Variants in CDH8 observed in about 807,000 individuals in gnomAD.
CDH8 encodes the protein cadherin-8.
In CDH8, 17 loss-of-function variants were observed where a neutral mutation model predicts 68.1. The ratio of observed to expected loss-of-function variants is 0.25; its 90% CI spans 0.17 to 0.37. The LOEUF (loss-of-function observed/expected upper bound fraction) is 0.37, where lower values mean the gene tolerates loss of function less well. Ranked by LOEUF, CDH8 falls within the 10% of genes least tolerant of loss-of-function variation. CDH8 has a pLI of 1.00. For missense variants in CDH8, 763 were observed against 999.3 expected, an observed-to-expected ratio of 0.76 and a Z score of 3.19; for synonymous variants, 372 against 365.1, an observed-to-expected ratio of 1.02 and a Z score of -0.21.
At chr16:61,660,890 C>T (rs1477753359) in intron 10 of CDH8, among the ~76,000 whole-genome samples, 1 of 151,936 alleles carries the variant, frequency 6.6e-6, no homozygotes, top group African/African-American at 2.4e-5. Flanking sequence ...GAGAATTTGT[C>T]ACCAGCAGGC....
chr16:61,739,160 A>G (rs1290915697), intron 8 of CDH8, among the ~76,000 whole-genome samples: 1 of 152,166 alleles, frequency 6.6e-6, no homozygotes, highest in African/African-American at 2.4e-5. Flanking sequence ...TGTTTCAAAT[A>G]GGATTGACTC....
intron 2 of CDH8, among the ~76,000 whole-genome samples, chr16:61,934,449 G>A (rs978425681): frequency 5.9e-5 from 9 of 152,044 alleles, no homozygotes; most frequent in African/African-American, 1.7e-4. Flanking sequence ...GACAGTATAC[G>A]ATATTGTATC....
chr16:62,018,503 G>A (rs142133186), intron 2 of CDH8, among the ~76,000 whole-genome samples: 6 of 152,254 alleles, frequency 3.9e-5, no homozygotes, highest in South Asian at 2.1e-4. Flanking sequence ...CTAAAGCACC[G>A]GTGGGCACCC....
chr16:61,700,011 A>G lies in CDH8; in HGVS notation c.1654+13830T>C, dbSNP rs190816338. On this transcript the variant is annotated intron_variant, in intron 10 of 11. Transcript: ENST00000577390. Reference sequence around the variant, plus strand: ...TATATTTTATGTTGTAATGTTCCCAAAATCAGAGTTTCTTAAAGTTTTATT... The same window carrying G: ...TATATTTTATGTTGTAATGTTCCCAGAATCAGAGTTTCTTAAAGTTTTATT... Among the ~76,000 whole-genome samples the G allele has an allele frequency of 2.6e-4, 39 of 152,306 alleles. No homozygotes were observed. In the East Asian group the frequency reaches 5.8e-3, roughly 23 times the overall value.
At chr16:61,832,970 C>A (rs924092100) in intron 4 of CDH8, among the ~76,000 whole-genome samples, 16 of 151,470 alleles carry the variant, frequency 1.1e-4, no homozygotes, top group Non-Finnish European at 2.1e-4. Flanking sequence ...TAAGAAGAAG[C>A]ACAGATCTGT....
intron 2 of CDH8, among the ~76,000 whole-genome samples, chr16:61,916,384 G>C (rs566647310): frequency 2.0e-5 from 3 of 152,002 alleles, no homozygotes; most frequent in African/African-American, 7.2e-5. Context: ...GTGTGGTGGC[G>C]CATGCCTGAC....
intron 10 of CDH8, among the ~76,000 whole-genome samples, chr16:61,700,130 T>C (rs376758040): frequency 6.6e-6 from 1 of 152,180 alleles, no homozygotes; most frequent in East Asian, 1.9e-4. Flanking sequence ...TATTAAAGTG[T>C]GAGATTAATT....
chr16:61,782,843 T>C lies in CDH8; in HGVS notation c.1414+6503A>G, dbSNP rs368018784. 6.1e-3 allele frequency among the ~76,000 whole-genome samples: 926 copies of C among 151,776 alleles called. 7 individuals carry two copies. Among genetic ancestry groups the C allele is most frequent in the Middle Eastern group, 0.027 (8 of 294 alleles). Reference sequence around the variant, plus strand: ...AGCAGGGGCACACTGACACCTCACATGGCAGGGTATTCCAACAGACCTGCA... The same window carrying C: ...AGCAGGGGCACACTGACACCTCACACGGCAGGGTATTCCAACAGACCTGCA... On this transcript the variant is annotated intron_variant, in intron 8 of 11. Transcript: ENST00000577390.
At chr16:62,030,278 G>T (rs985174600) in intron 1 of CDH8, among the ~76,000 whole-genome samples, 6 of 152,114 alleles carry the variant, frequency 3.9e-5, no homozygotes, top group African/African-American at 1.2e-4. Context: ...TCCAAAATAC[G>T]TATACAATCT....
At chr16:61,879,471 A>T (rs774029993) in intron 3 of CDH8, among the ~76,000 whole-genome samples, 4 of 152,196 alleles carry the variant, frequency 2.6e-5, no homozygotes, top group Non-Finnish European at 2.9e-5. Context: ...GATCCGGTTG[A>T]CATTCCAACA....
chr16:61,984,437 T>A (rs1965592739), intron 2 of CDH8, among the ~76,000 whole-genome samples: 2 of 151,674 alleles, frequency 1.3e-5, no homozygotes, highest in African/African-American at 4.8e-5. Context: ...CCTCATCTTT[T>A]GCTCATTTTG....
intron 2 of CDH8, among the ~76,000 whole-genome samples, chr16:61,908,430 A>C (rs1964099675): frequency 6.6e-6 from 1 of 152,214 alleles, no homozygotes; most frequent in Admixed American, 6.5e-5. Flanking sequence ...AGGAGAAAGA[A>C]AAGGAGGAGC....
At chr16:61,732,420 T>G (rs2142905391) in intron 8 of CDH8, among the ~76,000 whole-genome samples, 1 of 151,912 alleles carries the variant, frequency 6.6e-6, no homozygotes, top group Admixed American at 6.6e-5. Context: ...AAATAGCAGC[T>G]AACTTCTCAT....
intron 7 of CDH8, among the ~76,000 whole-genome samples, 182 bp downstream of exon 7, chr16:61,817,297 G>A (rs1190922931): frequency 7.0e-6 from 1 of 142,978 alleles, no homozygotes; most frequent in Admixed American, 7.0e-5. Flanking sequence ...GTAGGCATAC[G>A]TGTGCGTGTA....
chr16:61,691,592 T>C (rs1001585843), intron 10 of CDH8, among the ~76,000 whole-genome samples: 4 of 113,076 alleles, frequency 3.5e-5, no homozygotes, highest in Admixed American at 3.2e-4. Context: ...GAGTACGATC[T>C]TTAGTAGGAT....
chr16:61,699,662 C>T (rs1964386579), intron 10 of CDH8, among the ~76,000 whole-genome samples: 1 of 152,150 alleles, frequency 6.6e-6, no homozygotes, highest in Non-Finnish European at 1.5e-5. Context: ...GCAACCACTG[C>T]CTCCTGGGTT....
chr16:61,770,457 G>C (rs992126661), intron 8 of CDH8, among the ~76,000 whole-genome samples: 3 of 151,830 alleles, frequency 2.0e-5, no homozygotes, highest in Non-Finnish European at 4.4e-5. Context: ...TATTTATACT[G>C]AGGCTTCCTT....
chr16:61,894,303 A>G (rs895895541), intron 3 of CDH8, among the ~76,000 whole-genome samples: 1 of 152,214 alleles, frequency 6.6e-6, no homozygotes, highest in Non-Finnish European at 1.5e-5. Context: ...TGTGAAAGTC[A>G]TAAGTGAAGA....
intron 4 of CDH8, among the ~76,000 whole-genome samples, chr16:61,837,774 C>T (rs912611320): frequency 6.6e-6 from 1 of 152,064 alleles, no homozygotes; most frequent in African/African-American, 2.4e-5. Context: ...ACATAGACCA[C>T]ATTTTAACTA....
Sources: allele counts gnomAD v4.1 joint callset (sites outside exome capture counted in the v4.1 genomes callset), GRCh38; gene constraint gnomAD v4.1.1; transcripts MANE v1.5; gene names NCBI Gene and HGNC (gene_info 2026-07-23, HGNC 2026-07-21).